Variants in NAA15 observed in about 807,000 individuals in gnomAD.
NAA15 encodes N-alpha-acetyltransferase 15, NatA auxiliary subunit.
In NAA15, 34 loss-of-function variants were observed where a neutral mutation model predicts 114.0. That is an observed-to-expected ratio of 0.30 (90% CI 0.23 to 0.40). NAA15 has a LOEUF of 0.40. NAA15 is among the 10% of genes least tolerant of loss of function. The probability of loss-of-function intolerance (pLI) is 1.00; values close to 1 mark genes in which losing one functional copy is unlikely to be tolerated. For synonymous variants in NAA15, 340 were observed against 338.0 expected (o/e 1.01, Z -0.06); for missense variants, 658 against 1,004.5 (o/e 0.66, Z 4.66).
intron 14 of NAA15, among the ~76,000 whole-genome samples, chr4:139,363,433 G>T (rs553382692): frequency 2.8e-4 from 43 of 152,186 alleles, no homozygotes; most frequent in African/African-American, 9.9e-4. Context: ...ATTTCAGGAT[G>T]GTTCTTTGCA....
intron 15 of NAA15, among the ~76,000 whole-genome samples, chr4:139,373,043 C>T (rs191538876): frequency 1.3e-5 from 2 of 152,210 alleles, no homozygotes; most frequent in East Asian, 1.9e-4. Context: ...CCCACCACCA[C>T]GCCTGGCTAA....
chr4:139,350,100 T>C (rs914972056), intron 7 of NAA15, among the ~76,000 whole-genome samples: 1 of 152,084 alleles, frequency 6.6e-6, no homozygotes, highest in Admixed American at 6.6e-5. Flanking sequence ...AGAAAATAAT[T>C]TTAGAGACAA....
chr4:139,309,381 A>G (rs1746137492), intron 1 of NAA15, among the ~76,000 whole-genome samples: 1 of 151,518 alleles, frequency 6.6e-6, no homozygotes, highest in African/African-American at 2.4e-5. Flanking sequence ...TGAGAAGTGA[A>G]AATCTTTTAA....
chr4:139,388,317 TA>T lies in NAA15; in HGVS notation c.*239del. The T allele has an allele frequency of 5.9e-6, 2 of 338,638 alleles. No homozygotes were observed. The highest frequency in any genetic ancestry group is 1.1e-5 in the Non-Finnish European group (2 of 186,238). 21.0% of individuals were successfully genotyped at this position (338,638 alleles called of 1,614,324 possible). On this transcript the variant is annotated 3_prime_UTR_variant, in exon 20 of 20. Transcript: ENST00000296543. ...ATTAAAGCTGCTAAAATTGAGTGGT[TA>T]AAAAAGATACCTTATCCTATTCCTC...
At chr4:139,312,221 C>G (rs1159182646) in intron 1 of NAA15, among the ~76,000 whole-genome samples, 1 of 151,840 alleles carries the variant, frequency 6.6e-6, no homozygotes, top group Non-Finnish European at 1.5e-5. Flanking sequence ...AAAAGAATGT[C>G]AGTTGCCAAT....
Position 139,370,140 on chromosome 4 carries a change from C to T in NAA15, c.1754-71C>T, listed in dbSNP as rs984284305. ...TTTTTTAATGGAAGTTTGGTAGGAT[C>T]AAATAATACTTAAAATTACTAATCT... On this transcript the variant is annotated intron_variant, in intron 14 of 19. Transcript: ENST00000296543. 22 of 1,216,680 alleles carry T rather than the reference C, an allele frequency of 1.8e-5. No homozygotes were observed. The African/African-American group carries it at 3.0e-4, about 16-fold the overall frequency. 75.4% of individuals were successfully genotyped at this position (1,216,680 alleles called of 1,614,324 possible). A position where few individuals can be genotyped will look rare whatever the true frequency, so the allele number is the denominator to read the frequency against.
chr4:139,315,033 TAGG>T (rs1560952941), intron 1 of NAA15, among the ~76,000 whole-genome samples: 17,334 of 129,190 alleles, frequency 0.13, 2,567 homozygotes, highest in Non-Finnish European at 0.17. Flanking sequence ...TAGGTTAGGT[TAGG>T]TTAGGTTAGG....
chr4:139,338,442 TTTTG>T (rs1225313514), intron 3 of NAA15, among the ~76,000 whole-genome samples: 1 of 152,174 alleles, frequency 6.6e-6, no homozygotes. Context: ...TGGGGTTTTT[TTTTG>T]TTTGTTTGTG....
chr4:139,321,150 A>T lies in NAA15; in HGVS notation c.55-13024A>T, dbSNP rs968243118. ...CTTTTGCCAAAGCCAAATATTTCTAATTTTTTTCTATTTAATCGACTCTGT... is the reference window on the plus strand; with the variant it reads ...CTTTTGCCAAAGCCAAATATTTCTATTTTTTTTCTATTTAATCGACTCTGT... On this transcript the variant is annotated intron_variant, in intron 1 of 19. Transcript: ENST00000296543. Among the ~76,000 whole-genome samples the T allele has an allele frequency of 4.0e-5, 6 of 150,140 alleles. No homozygotes were observed. The East Asian group carries it at 5.9e-4, about 15-fold the overall frequency.
At chr4:139,351,109 A>G (rs950478713) in intron 7 of NAA15, 82 bp from the exon 8 acceptor site, 1 of 604,898 alleles carries the variant, frequency 1.7e-6, no homozygotes, top group Admixed American at 3.4e-5. Flanking sequence ...GAATTTTAAT[A>G]TACTTTGAGA....
At chr4:139,360,311 GAAACTACA>G (rs1748091906) in intron 12 of NAA15, among the ~76,000 whole-genome samples, 181 bp from the exon 13 acceptor site, 1 of 152,066 alleles carries the variant, frequency 6.6e-6, no homozygotes, top group African/African-American at 2.4e-5. Flanking sequence ...TTTCACCTGT[GAAACTACA>G]AATTATTTTT....
At chr4:139,343,583 G>A (rs554716139) in intron 5 of NAA15, among the ~76,000 whole-genome samples, 1 of 152,314 alleles carries the variant, frequency 6.6e-6, no homozygotes, top group East Asian at 1.9e-4. Context: ...GGATTTTTCT[G>A]ATGGTTCCTC....
At chr4:139,302,984 C>G (rs1745861096) in intron 1 of NAA15, among the ~76,000 whole-genome samples, 1 of 152,192 alleles carries the variant, frequency 6.6e-6, no homozygotes, top group African/African-American at 2.4e-5. Context: ...AAAGTGTTAG[C>G]CTTTTCCCCC....
At chr4:139,316,885 C>T (rs1746427237) in intron 1 of NAA15, among the ~76,000 whole-genome samples, 1 of 148,516 alleles carries the variant, frequency 6.7e-6, no homozygotes. Flanking sequence ...AGTAGGCCAT[C>T]TATGCTCTGG....
intron 2 of NAA15, among the ~76,000 whole-genome samples, chr4:139,334,651 A>C (rs934920375): frequency 3.3e-5 from 5 of 152,200 alleles, no homozygotes; most frequent in African/African-American, 1.2e-4. Context: ...AGACCAAGTC[A>C]TGTTTAAGAC....
intron 1 of NAA15, among the ~76,000 whole-genome samples, chr4:139,317,546 G>A (rs566857081): frequency 1.3e-5 from 2 of 152,256 alleles, no homozygotes; most frequent in African/African-American, 2.4e-5. Context: ...TCTTGAACCC[G>A]GGAGGCGGAG....
intron 5 of NAA15, among the ~76,000 whole-genome samples, chr4:139,343,894 C>T (rs894206787): frequency 1.3e-5 from 2 of 152,098 alleles, no homozygotes; most frequent in Non-Finnish European, 2.9e-5. Context: ...TAACTCTAGT[C>T]ATTCCTTGTA....
rs1325645823 is a variant in NAA15, at chr4:139,341,619, A to AT, written c.402+550_402+551insT. ...AAAAAAAAAAAAAAAAAAAAAAAAA[A>AT]GAAAATCAGTACTCCTCAAATAAAC... On this transcript the variant is annotated intron_variant, in intron 4 of 19. Coordinates refer to ENST00000296543, the MANE Select transcript of NAA15 (RefSeq NM_057175.5). Among the ~76,000 whole-genome samples, 38 of 150,052 alleles carry AT rather than the reference A, an allele frequency of 2.5e-4. 2 individuals carry two copies. The East Asian group carries it at 6.9e-3, about 27-fold the overall frequency.
chr4:139,360,278 G>C (rs1051070349), intron 12 of NAA15, among the ~76,000 whole-genome samples: 3 of 152,084 alleles, frequency 2.0e-5, no homozygotes, highest in African/African-American at 4.8e-5. Context: ...TGAACACACA[G>C]TGTGTGTTCA....
Sources: allele counts gnomAD v4.1 joint callset (sites outside exome capture counted in the v4.1 genomes callset), GRCh38; gene constraint gnomAD v4.1.1; transcripts MANE v1.5; gene names NCBI Gene and HGNC (gene_info 2026-07-23, HGNC 2026-07-21).